The following SCN8A variants were observed in gnomAD, a reference collection of about 807,000 sequenced individuals.
SCN8A encodes sodium voltage-gated channel alpha subunit 8.
Under a neutral mutation model 184.1 loss-of-function variants are expected in SCN8A, and 30 were observed. The ratio of observed to expected loss-of-function variants is 0.16; its 90% confidence interval spans 0.12 to 0.22. The LOEUF (loss-of-function observed/expected upper bound fraction) is 0.22. SCN8A is among the 10% of genes least tolerant of loss of function. SCN8A has a pLI of 1.00. For missense variants in SCN8A, 1,057 were observed against 2,498.9 expected (o/e 0.42, Z 12.30); for synonymous variants, 852 against 907.0 (o/e 0.94, Z 1.09).
intron 1 of SCN8A, among the ~76,000 whole-genome samples, chr12:51,648,068 T>G (rs1940630090): frequency 6.6e-6 from 1 of 151,990 alleles, no homozygotes. Flanking sequence ...AGGAGAAGGG[T>G]GGGGGCCACT....
intron 1 of SCN8A, among the ~76,000 whole-genome samples, chr12:51,591,997 A>T (rs978399038): frequency 2.8e-5 from 4 of 141,196 alleles, no homozygotes; most frequent in African/African-American, 1.1e-4. Context: ...GCAGGCGAGG[A>T]TTCCTGCATT....
At chr12:51,761,615 G>A (rs912827112) in intron 14 of SCN8A, among the ~76,000 whole-genome samples, 2 of 151,748 alleles carry the variant, frequency 1.3e-5, no homozygotes, top group African/African-American at 4.8e-5. Flanking sequence ...TCAGCCTCCT[G>A]GTCCCTGGTA....
intron 1 of SCN8A, among the ~76,000 whole-genome samples, chr12:51,595,483 T>C (rs142286834): frequency 4.7e-4 from 72 of 152,314 alleles, no homozygotes; most frequent in Non-Finnish European, 4.3e-4. Flanking sequence ...GTTACACTAT[T>C]GAGAAGAAAA....
intron 3 of SCN8A, among the ~76,000 whole-genome samples, chr12:51,685,763 A>G (rs1364993267): frequency 3.3e-5 from 5 of 152,150 alleles, no homozygotes; most frequent in Admixed American, 3.3e-4. Flanking sequence ...AAGGCTGGGT[A>G]TGATGGCTCA....
chr12:51,807,051 C>G lies in SCN8A; in HGVS notation c.5565C>G (p.Val1855=). Residue 1855 remains valine (V), a synonymous_variant, in exon 27 of 27, where the codon GTC becomes GTG. Coordinates refer to ENST00000627620, the MANE Select transcript of SCN8A (RefSeq NM_001330260.2). This position sits in a 1 kb window ranked among gnomAD's most constrained non-coding sequence, Gnocchi z 4.5. Reference sequence around the variant, plus strand: ...TCCTTTTTGCCTTCACCAAGCGGGTCCTGGGAGATAGCGGGGAGTTGGACA... The same window carrying G: ...TCCTTTTTGCCTTCACCAAGCGGGTGCTGGGAGATAGCGGGGAGTTGGACA... ...LDILFAFTKR[V]LGDSGELDIL... 2.5e-6 allele frequency: 4 copies of G among 1,613,996 alleles called. No individual in the cohort carries two copies. Among genetic ancestry groups the G allele is most frequent in the Non-Finnish European group, 3.4e-6 (4 of 1,179,892 alleles).
chr12:51,680,617 T>C (rs1462553671), intron 2 of SCN8A, among the ~76,000 whole-genome samples: 3 of 152,198 alleles, frequency 2.0e-5, no homozygotes, highest in African/African-American at 4.8e-5. Flanking sequence ...GATTCAGTGA[T>C]AGGAAATACC....
At chr12:51,685,523 T>A (rs1328705371) in intron 3 of SCN8A, among the ~76,000 whole-genome samples, 3 of 152,202 alleles carry the variant, frequency 2.0e-5, no homozygotes, top group Non-Finnish European at 4.4e-5. Context: ...AAATTCTGGA[T>A]GGAAATGAAA....
At chr12:51,709,418 C>T (rs1370784071) in intron 11 of SCN8A, among the ~76,000 whole-genome samples, 4 of 152,056 alleles carry the variant, frequency 2.6e-5, no homozygotes, top group Admixed American at 1.3e-4. Context: ...GGAAAGAAAA[C>T]GGATAAACAG....
At chr12:51,599,700 C>T (rs906776072) in intron 1 of SCN8A, among the ~76,000 whole-genome samples, 3 of 152,120 alleles carry the variant, frequency 2.0e-5, no homozygotes, top group Non-Finnish European at 4.4e-5. Flanking sequence ...GAATGGACAT[C>T]CACTTAGTTG....
At chr12:51,645,473 G>A (rs1220144085) in intron 1 of SCN8A, among the ~76,000 whole-genome samples, 3 of 152,102 alleles carry the variant, frequency 2.0e-5, no homozygotes, top group Non-Finnish European at 4.4e-5. Flanking sequence ...AGCTCATTGA[G>A]AACGGGCCAT....
At chr12:51,671,802 G>A (rs1941136075) in intron 2 of SCN8A, among the ~76,000 whole-genome samples, 1 of 152,134 alleles carries the variant, frequency 6.6e-6, no homozygotes, top group African/African-American at 2.4e-5. Flanking sequence ...CTTAAGATCA[G>A]GATTGTCCCA....
intron 2 of SCN8A, among the ~76,000 whole-genome samples, chr12:51,665,465 A>T (rs994999674): frequency 2.0e-5 from 3 of 152,272 alleles, no homozygotes; most frequent in Non-Finnish European, 4.4e-5. Context: ...AAGCTCATAA[A>T]GTATAAATAC....
At chr12:51,604,677 G>A (rs868206049) in intron 1 of SCN8A, among the ~76,000 whole-genome samples, 2 of 152,076 alleles carry the variant, frequency 1.3e-5, no homozygotes, top group Admixed American at 6.5e-5. Context: ...ACAGGCATGC[G>A]CCACCACACC....
chr12:51,766,250 C>G (rs1942836134), intron 16 of SCN8A: 1 of 574,346 alleles, frequency 1.7e-6, no homozygotes, highest in South Asian at 2.3e-5. Context: ...CAACCCTTTT[C>G]CTAGAGTTAG....
intron 2 of SCN8A, among the ~76,000 whole-genome samples, chr12:51,665,416 T>C (rs948007801): frequency 1.3e-5 from 2 of 152,246 alleles, no homozygotes; most frequent in South Asian, 4.1e-4. Flanking sequence ...TAATAATTTT[T>C]TTTGGTAATC....
intron 19 of SCN8A, among the ~76,000 whole-genome samples, chr12:51,772,989 T>G (rs535847804): frequency 1.4e-3 from 217 of 152,164 alleles, no homozygotes; most frequent in African/African-American, 5.1e-3. Flanking sequence ...TGGTGGCATG[T>G]GCCTGTAGTC....
At chr12:51,617,605 T>G (rs925296901) in intron 1 of SCN8A, among the ~76,000 whole-genome samples, 1 of 152,244 alleles carries the variant, frequency 6.6e-6, no homozygotes, top group Admixed American at 6.5e-5. Context: ...CTGTTGATTG[T>G]CTTTTTCCTT....
intron 1 of SCN8A, among the ~76,000 whole-genome samples, chr12:51,655,427 G>A (rs772926637): frequency 1.3e-4 from 19 of 151,508 alleles, no homozygotes; most frequent in Non-Finnish European, 2.4e-4. Flanking sequence ...TGTCACCCAG[G>A]CTGTAGTGCA....
At chr12:51,680,726 GCGCGGTGACT>G (rs1446513091) in intron 2 of SCN8A, among the ~76,000 whole-genome samples, 2 of 152,144 alleles carry the variant, frequency 1.3e-5, no homozygotes, top group Non-Finnish European at 2.9e-5. Flanking sequence ...ATCCTGCCAG[GCGCGGTGACT>G]CACGCCTTTA....
Sources: allele counts gnomAD v4.1 joint callset (sites outside exome capture counted in the v4.1 genomes callset), GRCh38; gene constraint gnomAD v4.1.1; non-coding constraint Gnocchi (gnomAD v3.1); transcripts MANE v1.5; gene names NCBI Gene and HGNC (gene_info 2026-07-23, HGNC 2026-07-21).